PRKCB: variants seen among roughly 807,000 people sequenced by gnomAD.
PRKCB encodes the protein protein kinase C beta.
In PRKCB, 13 loss-of-function variants were observed where a neutral mutation model predicts 81.5. The observed-to-expected ratio is 0.16, with a 90% CI of 0.10 to 0.25. The LOEUF (loss-of-function observed/expected upper bound fraction) is 0.25. PRKCB is among the 10% of genes least tolerant of loss of function. PRKCB has a pLI of 1.00. For missense variants in PRKCB, 509 were observed against 875.7 expected (o/e 0.58, Z 5.29); for synonymous variants, 335 against 321.4 (o/e 1.04, Z -0.45).
At chr16:23,863,366 C>T (rs1962717110) in intron 2 of PRKCB, among the ~76,000 whole-genome samples, 1 of 151,616 alleles carries the variant, frequency 6.6e-6, no homozygotes, top group Admixed American at 6.6e-5. Flanking sequence ...ACTGTTCTTT[C>T]ACCACTTTAC....
intron 2 of PRKCB, among the ~76,000 whole-genome samples, chr16:23,889,313 C>G (rs1245112161): frequency 6.6e-6 from 1 of 152,226 alleles, no homozygotes; most frequent in Non-Finnish European, 1.5e-5. Context: ...TCAGTCTCCT[C>G]AGCTATAAAA....
chr16:23,861,449 G>A (rs57889924), intron 2 of PRKCB, among the ~76,000 whole-genome samples: 2,297 of 152,300 alleles, frequency 0.015, 65 homozygotes, highest in African/African-American at 0.052. Context: ...TTACAGGCAT[G>A]AGCCACCATG....
At chr16:23,933,900 T>TCCCC (rs1964018314) in intron 2 of PRKCB, among the ~76,000 whole-genome samples, 1 of 84,364 alleles carries the variant, frequency 1.2e-5, no homozygotes, top group African/African-American at 4.9e-5. Context: ...GTCAATTTTC[T>TCCCC]ACCCATCCAT....
intron 5 of PRKCB, among the ~76,000 whole-genome samples, chr16:24,084,346 T>C (rs1026646146): frequency 1.3e-5 from 2 of 152,036 alleles, no homozygotes; most frequent in African/African-American, 4.8e-5. Flanking sequence ...AAGTAAAGTC[T>C]GGGGACAAAA....
chr16:23,950,483 A>G (rs151236753), intron 2 of PRKCB, among the ~76,000 whole-genome samples: 1 of 152,344 alleles, frequency 6.6e-6, no homozygotes, highest in African/African-American at 2.4e-5. Flanking sequence ...GGAGTCAGAC[A>G]GACCTAAGTT....
chr16:24,209,441 C>T (rs1355724401), intron 16 of PRKCB, among the ~76,000 whole-genome samples: 1 of 152,156 alleles, frequency 6.6e-6, no homozygotes, highest in Admixed American at 6.5e-5. Context: ...GACTCCTTGA[C>T]GTGTCCTCTG....
intron 2 of PRKCB, chr16:23,962,944 T>G (rs938781350): frequency 6.6e-6 from 1 of 152,228 alleles, no homozygotes; most frequent in East Asian, 1.9e-4. Flanking sequence ...ATCACTCTTA[T>G]GCTTTTGCAT....
chr16:24,101,722 T>G (rs1966510726), intron 7 of PRKCB, among the ~76,000 whole-genome samples: 1 of 152,230 alleles, frequency 6.6e-6, no homozygotes. Context: ...TTTCTCTTAC[T>G]GTCATAATTT....
At chr16:23,957,898 C>T (rs1409082253) in intron 2 of PRKCB, among the ~76,000 whole-genome samples, 2 of 152,242 alleles carry the variant, frequency 1.3e-5, no homozygotes, top group Non-Finnish European at 1.5e-5. Flanking sequence ...CTCTATATCT[C>T]AGTTTCCTCA....
At chr16:24,009,570 G>T (rs1157046491) in intron 3 of PRKCB, among the ~76,000 whole-genome samples, 1 of 150,574 alleles carries the variant, frequency 6.6e-6, no homozygotes, top group Non-Finnish European at 1.5e-5. Context: ...GATTACAGGT[G>T]GGAGCCACCA....
intron 2 of PRKCB, among the ~76,000 whole-genome samples, chr16:23,908,561 C>T (rs976039044): frequency 2.6e-5 from 4 of 151,982 alleles, no homozygotes; most frequent in African/African-American, 4.8e-5. Flanking sequence ...GACGGATTCT[C>T]GCTCTGTCGC....
chr16:24,152,366 A>G (rs985747449), intron 9 of PRKCB, among the ~76,000 whole-genome samples: 5 of 152,120 alleles, frequency 3.3e-5, no homozygotes. Context: ...CCCTCCCACA[A>G]CACGTGGAAA....
chr16:24,157,656 T>C (rs1967182238), intron 10 of PRKCB, among the ~76,000 whole-genome samples: 3 of 145,306 alleles, frequency 2.1e-5, no homozygotes, highest in African/African-American at 7.7e-5. Flanking sequence ...AGGCCTCCCA[T>C]GTTGGAGACC....
intron 2 of PRKCB, among the ~76,000 whole-genome samples, chr16:23,954,441 G>A (rs926847185): frequency 2.0e-5 from 3 of 152,184 alleles, no homozygotes; most frequent in Admixed American, 6.5e-5. Context: ...TGCCCTTCCC[G>A]TCCTGGGAGG....
intron 2 of PRKCB, among the ~76,000 whole-genome samples, chr16:23,896,177 G>GA (rs916672999): frequency 9.4e-5 from 14 of 149,120 alleles, no homozygotes; most frequent in Non-Finnish European, 1.3e-4. Flanking sequence ...CAGAATTTAT[G>GA]AAAAAAAATA....
At chr16:24,190,156 G>A (rs981548993) in intron 15 of PRKCB, among the ~76,000 whole-genome samples, 4 of 152,158 alleles carry the variant, frequency 2.6e-5, no homozygotes, top group African/African-American at 7.2e-5. Context: ...AAACCTCAGC[G>A]GCTTTGTGTG....
intron 2 of PRKCB, among the ~76,000 whole-genome samples, chr16:23,932,751 T>C (rs1963997147): frequency 6.6e-6 from 1 of 152,212 alleles, no homozygotes; most frequent in Non-Finnish European, 1.5e-5. Context: ...CAATCCTGCA[T>C]TGAAGTCAAA....
At chr16:24,004,789 C>T (rs1204335110) in intron 3 of PRKCB, among the ~76,000 whole-genome samples, 1 of 152,192 alleles carries the variant, frequency 6.6e-6, no homozygotes, top group African/African-American at 2.4e-5. Flanking sequence ...GCTTTAAACA[C>T]ATTTTTGACC....
In PRKCB at chr16:24,210,780, G is replaced by A. The variant is rs1281078236; in HGVS notation, c.1864-3878G>A. ...CTCTCAAAGTGCTGGGATTATAGGCGTGAGCTACCCTGCCCGGCCTTGGCT... is the reference window on the plus strand; with the variant it reads ...CTCTCAAAGTGCTGGGATTATAGGCATGAGCTACCCTGCCCGGCCTTGGCT... On this transcript the variant is annotated intron_variant, in intron 16 of 16. Coordinates refer to ENST00000643927, the MANE Select transcript of PRKCB (RefSeq NM_002738.7). Among the ~76,000 whole-genome samples the A allele has an allele frequency of 8.5e-5, 13 of 152,122 alleles. No individual in the cohort carries two copies. In the East Asian group the frequency reaches 2.1e-3, roughly 25 times the overall value.
Sources: allele counts gnomAD v4.1 joint callset (sites outside exome capture counted in the v4.1 genomes callset), GRCh38; gene constraint gnomAD v4.1.1; transcripts MANE v1.5; gene names NCBI Gene and HGNC (gene_info 2026-07-23, HGNC 2026-07-21).